Variants in PRH1 observed in about 807,000 individuals in gnomAD.
PRH1 encodes the protein salivary acidic proline-rich phosphoprotein 1/2.
In PRH1, 7 loss-of-function variants were observed where a neutral mutation model predicts 7.9. The ratio of observed to expected loss-of-function variants is 0.89; its 90% CI spans 0.50 to 1.67. The LOEUF (loss-of-function observed/expected upper bound fraction) is 1.67, where lower values mean the gene tolerates loss of function less well. PRH1 is among the 40% of genes most tolerant of loss of function. PRH1 has a pLI of 0.00. For missense variants in PRH1, 109 were observed against 223.6 expected, an observed-to-expected ratio of 0.49 and a Z score of 3.27; for synonymous variants, 45 against 80.8, an observed-to-expected ratio of 0.56 and a Z score of 2.38.
intron 1 of PRH1, among the ~76,000 whole-genome samples, chr12:11,007,831 C>G (rs1448660068): frequency 6.6e-6 from 1 of 152,068 alleles, no homozygotes; most frequent in Non-Finnish European, 1.5e-5. Context: ...CAAACTCTAA[C>G]TTCAAGATGC....
chr12:11,145,865 A>T (rs1039448493), intron 1 of PRH1, among the ~76,000 whole-genome samples: 1 of 152,186 alleles, frequency 6.6e-6, no homozygotes, highest in Non-Finnish European at 1.5e-5. Flanking sequence ...GAAGCATTAT[A>T]ATGTTTTTAA....
chr12:10,890,219 T>C (rs1949550812), intron 2 of PRH1, among the ~76,000 whole-genome samples: 1 of 152,192 alleles, frequency 6.6e-6, no homozygotes, highest in Non-Finnish European at 1.5e-5. Context: ...AGGGAGTTTG[T>C]CCCACTAACA....
chr12:11,156,698 T>G (rs2136441857), intron 1 of PRH1, among the ~76,000 whole-genome samples: 1 of 152,336 alleles, frequency 6.6e-6, no homozygotes, highest in East Asian at 1.9e-4. Flanking sequence ...AAACTTTCAC[T>G]CTATTTCTGT....
intron 2 of PRH1, among the ~76,000 whole-genome samples, chr12:10,927,713 C>T (rs886590528): frequency 6.6e-6 from 1 of 152,184 alleles, no homozygotes; most frequent in African/African-American, 2.4e-5. Flanking sequence ...TGTCTAGGGC[C>T]TTGTCTTTAT....
upstream of PRH1, among the ~76,000 whole-genome samples, chr12:10,886,818 T>C (rs1949499292): frequency 6.6e-6 from 1 of 152,200 alleles, no homozygotes; most frequent in Admixed American, 6.5e-5. Flanking sequence ...TTAGCCGATC[T>C]AATTGCCTCC....
intron 1 of PRH1, among the ~76,000 whole-genome samples, chr12:10,991,835 G>T (rs956874962): frequency 6.6e-6 from 1 of 152,180 alleles, no homozygotes. Context: ...GCAGCATCCT[G>T]AAATGCAAAT....
intron 1 of PRH1, among the ~76,000 whole-genome samples, chr12:11,045,538 A>C (rs1942872892): frequency 6.6e-6 from 1 of 152,240 alleles, no homozygotes; most frequent in East Asian, 1.9e-4. Flanking sequence ...GTACCCAATA[A>C]ATGTATGCAC....
chr12:10,996,344 A>C (rs943542526), intron 1 of PRH1, among the ~76,000 whole-genome samples: 1 of 151,742 alleles, frequency 6.6e-6, no homozygotes, highest in African/African-American at 2.4e-5. Flanking sequence ...AAAGAAAAAA[A>C]GAATTCATGA....
intron 1 of PRH1, chr12:11,022,111 C>T (rs1215223944): frequency 1.2e-6 from 2 of 1,613,624 alleles, no homozygotes; most frequent in African/African-American, 2.7e-5. Context: ...TTCTTTTGTC[C>T]ACACTCTCTC....
chr12:11,157,820 G>A (rs964128159), intron 1 of PRH1, among the ~76,000 whole-genome samples: 4 of 152,160 alleles, frequency 2.6e-5, no homozygotes, highest in African/African-American at 9.7e-5. Flanking sequence ...GATGATGATA[G>A]TGGTGGTGGT....
chr12:11,149,382 C>G (rs1220743346), intron 1 of PRH1, among the ~76,000 whole-genome samples: 1 of 152,134 alleles, frequency 6.6e-6, no homozygotes, highest in Non-Finnish European at 1.5e-5. Context: ...GCCAAAAGAA[C>G]AAAGCTGGAG....
intron 1 of PRH1, among the ~76,000 whole-genome samples, chr12:11,153,454 G>A (rs1375871936): frequency 6.6e-6 from 1 of 152,114 alleles, no homozygotes; most frequent in Non-Finnish European, 1.5e-5. Flanking sequence ...AAAGAAATAG[G>A]AACTTAAAAA....
At chr12:10,934,309 C>T (rs1035633059) in intron 2 of PRH1, among the ~76,000 whole-genome samples, 3 of 152,224 alleles carry the variant, frequency 2.0e-5, no homozygotes, top group African/African-American at 7.2e-5. Context: ...ACTACAGCTC[C>T]TCTATAAACC....
intron 1 of PRH1, among the ~76,000 whole-genome samples, chr12:11,147,434 T>C (rs1356369511): frequency 3.9e-5 from 6 of 152,188 alleles, no homozygotes; most frequent in Admixed American, 3.9e-4. Flanking sequence ...GGAATCCACC[T>C]GCCTGGGCCT....
chr12:11,162,029 G>A (rs1223925124), intron 1 of PRH1, among the ~76,000 whole-genome samples: 2 of 152,168 alleles, frequency 1.3e-5, no homozygotes, highest in Non-Finnish European at 2.9e-5. Flanking sequence ...ATATTAAAAT[G>A]ACTCTCTGGC....
chr12:10,976,890 C>T (rs187189968), intron 1 of PRH1, among the ~76,000 whole-genome samples: 77 of 152,026 alleles, frequency 5.1e-4, no homozygotes, highest in Non-Finnish European at 1.9e-4. Flanking sequence ...CTAAATAAAC[C>T]GATGATGAGT....
intron 2 of PRH1, among the ~76,000 whole-genome samples, chr12:10,946,762 A>AT (rs1165660459): frequency 6.6e-6 from 1 of 151,906 alleles, no homozygotes; most frequent in Non-Finnish European, 1.5e-5. Flanking sequence ...AAACTTTTTG[A>AT]TGTGGGCATT....
intron 1 of PRH1, among the ~76,000 whole-genome samples, chr12:11,011,368 A>G (rs568213874): frequency 6.6e-6 from 1 of 152,248 alleles, no homozygotes; most frequent in Admixed American, 6.5e-5. Flanking sequence ...TTTATGGAGA[A>G]CACAATAATT....
rs369289861 is a variant in PRH1, at chr12:11,091,802, T to C, written n.124-44614A>G. The C allele has an allele frequency of 4.0e-6, 6 of 1,501,296 alleles. No homozygotes were observed. The East Asian group carries it at 1.1e-4, about 28-fold the overall frequency. The allele number at this position is 1,501,296 out of a possible 1,614,324, so 93.0% of individuals were successfully genotyped here. On this transcript the variant is annotated intron_variant and non_coding_transcript_variant, in intron 1 of 4. Coordinates refer to the PRH1 transcript ENST00000541977. ...CTCATTCATGTTTATCACAAAAAGA[T>C]GACAAGCCAAAAATAGCAAAGGCCC...
Sources: gnomAD v4.1 joint callset for allele counts (sites outside exome capture counted in the v4.1 genomes callset) on GRCh38, gnomAD v4.1.1 for gene constraint, MANE v1.5 for transcripts, NCBI Gene and HGNC (gene_info 2026-07-23, HGNC 2026-07-21) for gene names.